The following STX8 variants were observed in gnomAD, a reference collection of about 807,000 sequenced individuals.
STX8 encodes syntaxin-8.
In STX8, 23 loss-of-function variants were observed where a neutral mutation model predicts 37.5. That is an observed-to-expected ratio of 0.61 (90% CI 0.44 to 0.87). The LOEUF (loss-of-function observed/expected upper bound fraction) is 0.87. Among genes scored for constraint, STX8 ranks in the 40% least tolerant of loss-of-function variants. The probability of loss-of-function intolerance (pLI) is 0.00; values close to 1 mark genes in which losing one functional copy is unlikely to be tolerated. For missense variants in STX8, 313 were observed against 284.7 expected (o/e 1.10, Z -0.71); for synonymous variants, 115 against 99.1 (o/e 1.16, Z -0.95).
intron 2 of STX8, among the ~76,000 whole-genome samples, chr17:9,563,733 A>G (rs1461971727): frequency 2.0e-5 from 3 of 152,198 alleles, no homozygotes; most frequent in African/African-American, 7.2e-5. Flanking sequence ...TACTTATTTA[A>G]AATTAAATTA....
chr17:9,569,295 G>A (rs1267450421), intron 1 of STX8, among the ~76,000 whole-genome samples: 1 of 152,188 alleles, frequency 6.6e-6, no homozygotes, highest in Non-Finnish European at 1.5e-5. Context: ...AGTATGTCAG[G>A]TGTTGATAGG....
At chr17:9,251,232 T>C (rs1259753062) in intron 7 of STX8, among the ~76,000 whole-genome samples, 1 of 152,262 alleles carries the variant, frequency 6.6e-6, no homozygotes, top group African/African-American at 2.4e-5. Flanking sequence ...AGCCAGCCCA[T>C]GCTGGGTGCC....
intron 4 of STX8, among the ~76,000 whole-genome samples, chr17:9,521,258 G>C (rs1269328192): frequency 6.6e-6 from 1 of 152,156 alleles, no homozygotes; most frequent in Non-Finnish European, 1.5e-5. Flanking sequence ...ACAGGAGTCT[G>C]GACAAGGGAA....
At chr17:9,571,578 G>A (rs1400723679) in intron 1 of STX8, among the ~76,000 whole-genome samples, 1 of 141,538 alleles carries the variant, frequency 7.1e-6, no homozygotes, top group Non-Finnish European at 1.5e-5. Context: ...CAGCCTGGGG[G>A]ACAAGAGCAA....
chr17:9,428,193 T>C (rs1157132884), intron 6 of STX8, among the ~76,000 whole-genome samples: 1 of 152,170 alleles, frequency 6.6e-6, no homozygotes, highest in Non-Finnish European at 1.5e-5. Context: ...TCCATGACAA[T>C]TCAGGCAAGT....
At chr17:9,490,343 C>T (rs1906801522) in intron 6 of STX8, among the ~76,000 whole-genome samples, 1 of 151,868 alleles carries the variant, frequency 6.6e-6, no homozygotes, top group South Asian at 2.1e-4. Flanking sequence ...TTCGTCTATC[C>T]CCAGGGCTTC....
At chr17:9,487,440 C>A (rs779313954) in intron 6 of STX8, among the ~76,000 whole-genome samples, 11 of 152,058 alleles carry the variant, frequency 7.2e-5, no homozygotes, top group Non-Finnish European at 1.3e-4. Flanking sequence ...GCTATCATGG[C>A]CTTTTTTCGC....
intron 6 of STX8, among the ~76,000 whole-genome samples, chr17:9,415,471 T>C (rs1251347353): frequency 6.6e-6 from 1 of 152,046 alleles, no homozygotes; most frequent in African/African-American, 2.4e-5. Context: ...ACATGACTGT[T>C]ACAAAAGCAA....
At chr17:9,338,140 G>A (rs111451699) in intron 7 of STX8, among the ~76,000 whole-genome samples, 2,015 of 142,142 alleles carry the variant, frequency 0.014, 49 homozygotes, top group African/African-American at 0.05. Flanking sequence ...TGCAACCTCC[G>A]CCTCCCGGGT....
intron 6 of STX8, among the ~76,000 whole-genome samples, chr17:9,491,616 G>A (rs1906852872): frequency 6.6e-6 from 1 of 152,150 alleles, no homozygotes; most frequent in African/African-American, 2.4e-5. Flanking sequence ...CAGCTACTGA[G>A]AACTGGAAAA....
chr17:9,356,240 T>C (rs1230964920), intron 7 of STX8, among the ~76,000 whole-genome samples: 1 of 152,208 alleles, frequency 6.6e-6, no homozygotes, highest in Non-Finnish European at 1.5e-5. Flanking sequence ...TAAAACAATG[T>C]CTGCATTTTG....
chr17:9,531,515 A>C (rs904080441), intron 4 of STX8, among the ~76,000 whole-genome samples: 1 of 152,182 alleles, frequency 6.6e-6, no homozygotes, highest in Non-Finnish European at 1.5e-5. Context: ...CACTCCGAAA[A>C]TATTATAGAC....
At chr17:9,382,925 CA>C (rs1911870582) in intron 6 of STX8, among the ~76,000 whole-genome samples, 1 of 152,132 alleles carries the variant, frequency 6.6e-6, no homozygotes. Flanking sequence ...GCCTCATCAC[CA>C]GTGTGATGAC....
chr17:9,503,105 CAAAAAAAA>C (rs61437085), intron 5 of STX8, among the ~76,000 whole-genome samples: 4 of 58,600 alleles, frequency 6.8e-5, no homozygotes, highest in South Asian at 8.9e-4. Context: ...GACTCTGTCT[CAAAAAAAA>C]AAAAAAAAAA....
At chr17:9,465,463 C>T (rs1235151804) in intron 6 of STX8, among the ~76,000 whole-genome samples, 1 of 152,078 alleles carries the variant, frequency 6.6e-6, no homozygotes, top group Non-Finnish European at 1.5e-5. Context: ...CCCTGACTAG[C>T]CAATCAAAAC....
chr17:9,297,930 C>T lies in STX8; in HGVS notation c.644-47285G>A, dbSNP rs114849702. 4.3e-3 allele frequency among the ~76,000 whole-genome samples: 652 copies of T among 152,282 alleles called. 5 individuals are homozygous for T. The highest frequency in any genetic ancestry group is 0.015 in the African/African-American group (624 of 41,548). On this transcript the variant is annotated intron_variant, in intron 7 of 7. Coordinates refer to ENST00000306357, the MANE Select transcript of STX8 (RefSeq NM_004853.3). Reference sequence around the variant, plus strand: ...AGTTGGGACCCCACTGTATCTTAAGCGGTGTTCCTATAAACAAAGTTATTC... The same window carrying T: ...AGTTGGGACCCCACTGTATCTTAAGTGGTGTTCCTATAAACAAAGTTATTC...
intron 3 of STX8, among the ~76,000 whole-genome samples, chr17:9,552,380 T>G (rs1906800069): frequency 6.6e-6 from 1 of 152,210 alleles, no homozygotes; most frequent in South Asian, 2.1e-4. Flanking sequence ...ATCAAAAAAC[T>G]TCTGCTACAC....
intron 7 of STX8, among the ~76,000 whole-genome samples, chr17:9,305,177 C>G (rs1243447857): frequency 6.6e-6 from 1 of 152,004 alleles, no homozygotes; most frequent in Non-Finnish European, 1.5e-5. Flanking sequence ...ACTGCAACCT[C>G]CACCTCCTGG....
At chr17:9,471,750 G>A (rs1312678777) in intron 6 of STX8, among the ~76,000 whole-genome samples, 17 of 152,102 alleles carry the variant, frequency 1.1e-4, no homozygotes, top group Non-Finnish European at 2.5e-4. Context: ...TCATCGTTGG[G>A]GTAATTCTGT....
Sources: gnomAD v4.1 joint callset for allele counts (sites outside exome capture counted in the v4.1 genomes callset) on GRCh38, gnomAD v4.1.1 for gene constraint, MANE v1.5 for transcripts, NCBI Gene and HGNC (gene_info 2026-07-23, HGNC 2026-07-21) for gene names.